HSD17B2: variants seen among roughly 807,000 people sequenced by gnomAD.
HSD17B2 encodes the protein hydroxysteroid 17-beta dehydrogenase 2.
Under a neutral mutation model 26.9 loss-of-function variants are expected in HSD17B2, and 32 were observed. The ratio of observed to expected loss-of-function variants is 1.19; its 90% CI spans 0.90 to 1.60. The LOEUF (loss-of-function observed/expected upper bound fraction) is 1.60. Ranked by LOEUF, HSD17B2 falls within the 40% of genes most tolerant of loss-of-function variation. HSD17B2 has a pLI of 0.00. For missense variants in HSD17B2, 613 were observed against 468.6 expected (o/e 1.31, Z -2.85); for synonymous variants, 246 against 186.7 (o/e 1.32, Z -2.59).
At chr16:82,053,139 A>G (rs1020443515) in intron 1 of HSD17B2, among the ~76,000 whole-genome samples, 5 of 152,200 alleles carry the variant, frequency 3.3e-5, no homozygotes, top group African/African-American at 1.2e-4. Context: ...CAACTATAGC[A>G]CTTATTAGCT....
chr16:82,071,168 A>C (rs1424938484), intron 3 of HSD17B2, 41 bp downstream of exon 3: 2 of 1,580,700 alleles, frequency 1.3e-6, no homozygotes, highest in Admixed American at 3.3e-5. Flanking sequence ...GGTGCCCATC[A>C]CAAGACATGG....
chr16:82,079,395 G>T (rs1182767734), intron 3 of HSD17B2, among the ~76,000 whole-genome samples: 1 of 152,100 alleles, frequency 6.6e-6, no homozygotes, highest in Non-Finnish European at 1.5e-5. Flanking sequence ...CTACCTTTTT[G>T]CTGTGTCCTC....
intron 1 of HSD17B2, among the ~76,000 whole-genome samples, chr16:82,050,573 G>A (rs764263406): frequency 2.0e-5 from 3 of 152,166 alleles, no homozygotes; most frequent in Admixed American, 2.0e-4. Context: ...CTGCTGTAGA[G>A]AATTCAAACC....
intron 1 of HSD17B2, among the ~76,000 whole-genome samples, chr16:82,055,621 A>C (rs898186628): frequency 6.6e-6 from 1 of 152,154 alleles, no homozygotes; most frequent in Non-Finnish European, 1.5e-5. Context: ...AAATGTAGAA[A>C]ACTCCCCCAC....
At chr16:82,057,695 TG>T (rs1302027426) in intron 1 of HSD17B2, among the ~76,000 whole-genome samples, 3 of 152,214 alleles carry the variant, frequency 2.0e-5, no homozygotes, top group African/African-American at 7.2e-5. Context: ...TGTGATGTGA[TG>T]AAATGGCATT....
At chr16:82,096,926 T>C (rs1010627178) in intron 4 of HSD17B2, 4 of 152,006 alleles carry the variant, frequency 2.6e-5, no homozygotes, top group African/African-American at 9.7e-5. Flanking sequence ...CCAAGATGAA[T>C]CTGTCCTATT....
chr16:82,094,606 C>T (rs1322373449), intron 4 of HSD17B2: 3 of 152,248 alleles, frequency 2.0e-5, no homozygotes, highest in African/African-American at 4.8e-5. Context: ...GCAAGAAGCC[C>T]AAGAGCAGAA....
intron 1 of HSD17B2, among the ~76,000 whole-genome samples, chr16:82,055,771 A>C (rs1456272516): frequency 6.6e-6 from 1 of 152,236 alleles, no homozygotes; most frequent in African/African-American, 2.4e-5. Flanking sequence ...GCCTGGATTC[A>C]ACCGGAAAAC....
chr16:82,097,282 G>C (rs1477549569), intron 4 of HSD17B2: 1 of 103,940 alleles, frequency 9.6e-6, no homozygotes, highest in Non-Finnish European at 2.4e-5. Flanking sequence ...GTGTGTATGT[G>C]TGTGTGTGTG....
At chr16:82,092,421 G>A (rs1373757087) in intron 4 of HSD17B2, 1 of 152,184 alleles carries the variant, frequency 6.6e-6, no homozygotes, top group South Asian at 2.1e-4. Context: ...TAAAAAGTAT[G>A]TCTAATAAAA....
intron 4 of HSD17B2, 75 bp downstream of exon 4, chr16:82,091,114 C>A: frequency 1.4e-6 from 2 of 1,398,888 alleles, no homozygotes; most frequent in Non-Finnish European, 2.0e-6. Flanking sequence ...TCTGACAGAG[C>A]ACACATTGAA....
intron 3 of HSD17B2, among the ~76,000 whole-genome samples, chr16:82,082,223 C>A (rs565546169): frequency 8.5e-5 from 13 of 152,218 alleles, no homozygotes; most frequent in African/African-American, 2.4e-4. Flanking sequence ...CTCTATCAGG[C>A]AGAATTTCCA....
intron 4 of HSD17B2, chr16:82,097,347 G>A (rs1904877921): frequency 2.7e-5 from 1 of 36,414 alleles, no homozygotes; most frequent in Admixed American, 3.7e-4. Flanking sequence ...CATTATATAT[G>A]TGTACACACA....
intron 1 of HSD17B2, among the ~76,000 whole-genome samples, chr16:82,049,405 A>G (rs1425992364): frequency 6.6e-6 from 1 of 152,248 alleles, no homozygotes; most frequent in Non-Finnish European, 1.5e-5. Flanking sequence ...ATTCATGTGC[A>G]TCATGGTTTC....
chr16:82,041,327 A>G (rs1257774223), intron 1 of HSD17B2, among the ~76,000 whole-genome samples: 1 of 152,220 alleles, frequency 6.6e-6, no homozygotes, highest in Non-Finnish European at 1.5e-5. Flanking sequence ...TGGACACAAT[A>G]GGATTGTCCC....
intron 4 of HSD17B2, chr16:82,093,579 T>C (rs767608565): frequency 1.3e-5 from 2 of 152,218 alleles, no homozygotes; most frequent in Non-Finnish European, 2.9e-5. Flanking sequence ...CTTTGGTTTT[T>C]GTGTGCTTGA....
chr16:82,039,523 T>C (rs1029834972), intron 1 of HSD17B2, among the ~76,000 whole-genome samples: 1 of 152,140 alleles, frequency 6.6e-6, no homozygotes, highest in Non-Finnish European at 1.5e-5. Context: ...GTATGTGCCA[T>C]GCATTTTCCA....
chr16:82,085,162 C>A lies in HSD17B2; in HGVS notation c.665-5740C>A, dbSNP rs1455814279. Among the ~76,000 whole-genome samples, 3 of 152,204 alleles carry A rather than the reference C, an allele frequency of 2.0e-5. No homozygotes were observed. The East Asian group carries it at 5.8e-4, about 29-fold the overall frequency. On this transcript the variant is annotated intron_variant, in intron 3 of 4. Transcript: ENST00000199936. ...TCTGTCTCAGTCCAGACTGTGGGAT[C>A]ATTCCTGGACTTTTCCTTGCTGAGC...
intron 3 of HSD17B2, 70 bp from the exon 4 acceptor site, chr16:82,090,832 A>C (rs1904670478): frequency 1.4e-6 from 2 of 1,425,578 alleles, no homozygotes; most frequent in African/African-American, 2.9e-5. Context: ...GTAGACACTG[A>C]TTAAATATTT....
Sources: allele counts gnomAD v4.1 joint callset (sites outside exome capture counted in the v4.1 genomes callset), GRCh38; gene constraint gnomAD v4.1.1; transcripts MANE v1.5; gene names NCBI Gene and HGNC (gene_info 2026-07-23, HGNC 2026-07-21).